The following TMEM163 variants were observed in gnomAD, a reference collection of about 807,000 sequenced individuals.
TMEM163 encodes the protein transmembrane protein 163.
A neutral mutation model predicts 29.3 loss-of-function variants in TMEM163; 17 were observed. The ratio of observed to expected loss-of-function variants is 0.58; its 90% CI spans 0.40 to 0.87. The LOEUF (loss-of-function observed/expected upper bound fraction) is 0.87, where lower values mean the gene tolerates loss of function less well. Ranked by LOEUF, TMEM163 falls within the 40% of genes least tolerant of loss-of-function variation. The pLI is 0.00. For missense variants in TMEM163, 303 were observed against 381.5 expected (o/e 0.79, Z 1.71); for synonymous variants, 157 against 160.6 (o/e 0.98, Z 0.17).
At chr2:134,636,062 T>C (rs1243485402) in intron 2 of TMEM163, among the ~76,000 whole-genome samples, 1 of 152,200 alleles carries the variant, frequency 6.6e-6, no homozygotes, top group East Asian at 1.9e-4. Context: ...TTCCTTTCCC[T>C]TCCCCCATGG....
chr2:134,690,590 G>A (rs534729185), intron 2 of TMEM163, among the ~76,000 whole-genome samples: 3 of 152,236 alleles, frequency 2.0e-5, no homozygotes, highest in South Asian at 2.1e-4. Context: ...AGCCTATATC[G>A]GCAATTTATA....
chr2:134,463,909 G>A (rs572726613), intron 6 of TMEM163, among the ~76,000 whole-genome samples: 50 of 152,306 alleles, frequency 3.3e-4, no homozygotes, highest in African/African-American at 1.1e-3. Context: ...AGCCTGGCAG[G>A]AGGCAGCAAC....
At chr2:134,488,547 C>T (rs915761514) in intron 5 of TMEM163, among the ~76,000 whole-genome samples, 10 of 152,220 alleles carry the variant, frequency 6.6e-5, no homozygotes, top group African/African-American at 1.9e-4. Context: ...GCTGCACCAT[C>T]GGCTTCCCTA....
intron 4 of TMEM163, among the ~76,000 whole-genome samples, chr2:134,535,064 A>T (rs1309745462): frequency 1.3e-5 from 2 of 152,230 alleles, no homozygotes; most frequent in African/African-American, 4.8e-5. Context: ...AAAGTACTCA[A>T]TTTCAGATTC....
intron 2 of TMEM163, among the ~76,000 whole-genome samples, chr2:134,552,771 C>T (rs1407071092): frequency 2.7e-5 from 4 of 149,658 alleles, no homozygotes; most frequent in African/African-American, 9.9e-5. Context: ...AAGTGATTCT[C>T]CTGCCTCAGC....
At chr2:134,700,670 G>A (rs925049287) in intron 2 of TMEM163, among the ~76,000 whole-genome samples, 15 of 152,082 alleles carry the variant, frequency 9.9e-5, no homozygotes, top group Admixed American at 8.5e-4. Context: ...AGGCTAAGGC[G>A]GGCGGATGAC....
intron 2 of TMEM163, among the ~76,000 whole-genome samples, chr2:134,630,119 C>T (rs530756320): frequency 6.6e-5 from 10 of 152,150 alleles, no homozygotes; most frequent in Non-Finnish European, 1.3e-4. Context: ...ACAATCTGGG[C>T]TTCATTCCTG....
intron 4 of TMEM163, among the ~76,000 whole-genome samples, chr2:134,528,351 CTAGGTTCACCAGGAA>C (rs1328310505): frequency 6.6e-6 from 1 of 152,154 alleles, no homozygotes; most frequent in African/African-American, 2.4e-5. Context: ...TTCAGCTCAC[CTAGGTTCACCAGGAA>C]TAAATCTAAC....
rs1686379602 is a variant in TMEM163 at position 134,456,045 on chromosome 2, C to T, written c.*671G>A. On this transcript the variant is annotated 3_prime_UTR_variant, in exon 8 of 8. Coordinates refer to ENST00000281924, the MANE Select transcript of TMEM163 (RefSeq NM_030923.5). Reference sequence around the variant, plus strand: ...TAGTTTCACATCTCTCAAAAATGGACCCAGTTTTCACATGGATGTTCAGGT... The same window carrying T: ...TAGTTTCACATCTCTCAAAAATGGATCCAGTTTTCACATGGATGTTCAGGT... 6.6e-6 allele frequency: 1 copy of T among 152,534 alleles called. No homozygotes were observed. The highest frequency in any genetic ancestry group is 2.4e-5 in the African/African-American group (1 of 41,384). 9.4% of individuals were successfully genotyped at this position (152,534 alleles called of 1,614,324 possible).
At chr2:134,616,738 C>T (rs1295350972) in intron 2 of TMEM163, among the ~76,000 whole-genome samples, 1 of 152,106 alleles carries the variant, frequency 6.6e-6, no homozygotes, top group Non-Finnish European at 1.5e-5. Flanking sequence ...TGATATTGTA[C>T]TATAGTTATA....
intron 2 of TMEM163, among the ~76,000 whole-genome samples, chr2:134,573,218 C>T (rs1241443498): frequency 1.3e-5 from 2 of 152,202 alleles, no homozygotes; most frequent in African/African-American, 4.8e-5. Flanking sequence ...CATTTCTCTC[C>T]AGAACAGATT....
intron 2 of TMEM163, among the ~76,000 whole-genome samples, chr2:134,610,162 C>G (rs377412400): frequency 6.6e-6 from 1 of 152,172 alleles, no homozygotes; most frequent in Non-Finnish European, 1.5e-5. Context: ...AAGAGATGGC[C>G]GTAAACACTG....
chr2:134,516,112 G>T (rs1310068109), intron 4 of TMEM163, among the ~76,000 whole-genome samples: 1 of 152,162 alleles, frequency 6.6e-6, no homozygotes, highest in East Asian at 1.9e-4. Flanking sequence ...AAGCTCAGCT[G>T]TTCATAGCTT....
chr2:134,655,262 T>C (rs1341589435), intron 2 of TMEM163, among the ~76,000 whole-genome samples: 1 of 138,674 alleles, frequency 7.2e-6, no homozygotes, highest in African/African-American at 3.1e-5. Flanking sequence ...TATTCTTTTT[T>C]CTCTAACCTT....
chr2:134,645,661 T>C (rs1398677705), intron 2 of TMEM163, among the ~76,000 whole-genome samples: 1 of 152,194 alleles, frequency 6.6e-6, no homozygotes, highest in Non-Finnish European at 1.5e-5. Flanking sequence ...ACTATTGATA[T>C]ACACAATTTG....
At chr2:134,696,809 C>A (rs2104888015) in intron 2 of TMEM163, among the ~76,000 whole-genome samples, 1 of 152,288 alleles carries the variant, frequency 6.6e-6, no homozygotes, top group African/African-American at 2.4e-5. Context: ...TTGTTTTGCT[C>A]TTGTCACTCA....
intron 6 of TMEM163, among the ~76,000 whole-genome samples, chr2:134,462,168 C>G (rs112829672): frequency 1.8e-5 from 2 of 109,966 alleles, no homozygotes; most frequent in African/African-American, 1.4e-4. Flanking sequence ...CTCTGTCTCT[C>G]TCTCTCATTA....
intron 2 of TMEM163, among the ~76,000 whole-genome samples, chr2:134,600,536 T>A (rs1682203260): frequency 6.6e-6 from 1 of 152,212 alleles, no homozygotes; most frequent in African/African-American, 2.4e-5. Context: ...CTTGGTTTAT[T>A]AATGCTATAG....
At chr2:134,691,789 G>A (rs1267424732) in intron 2 of TMEM163, among the ~76,000 whole-genome samples, 2 of 152,208 alleles carry the variant, frequency 1.3e-5, no homozygotes, top group Non-Finnish European at 2.9e-5. Context: ...CCTCAGCCTT[G>A]ACCCTGGCTG....
Sources: gnomAD v4.1 joint callset for allele counts (sites outside exome capture counted in the v4.1 genomes callset) on GRCh38, gnomAD v4.1.1 for gene constraint, MANE v1.5 for transcripts, NCBI Gene and HGNC (gene_info 2026-07-23, HGNC 2026-07-21) for gene names.